The following IL10RA variants were observed in gnomAD, a reference collection of about 807,000 sequenced individuals.
The protein encoded by IL10RA is interleukin 10 receptor subunit alpha, also known as interleukin-10 receptor subunit alpha.
IL10RA carries 18 observed loss-of-function variants against 29.6 expected under a neutral mutation model. The observed-to-expected ratio is 0.61, with a 90% confidence interval of 0.42 to 0.90. The LOEUF is 0.90. Among genes scored for constraint, IL10RA ranks in the 40% least tolerant of loss-of-function variants. IL10RA has a pLI of 0.00. For missense variants in IL10RA, 634 were observed against 716.6 expected (o/e 0.88, Z 1.32); for synonymous variants, 292 against 294.1 (o/e 0.99, Z 0.07).
At chr11:117,995,848 T>G (rs539959748) in intron 6 of IL10RA, 138 bp downstream of exon 6, 6 of 916,980 alleles carry the variant, frequency 6.5e-6, no homozygotes, top group East Asian at 5.3e-5. Flanking sequence ...GATTGGGAGA[T>G]ACCTTCATCA....
At chr11:117,996,873 G>A (rs574197775) in intron 6 of IL10RA, among the ~76,000 whole-genome samples, 10 of 152,310 alleles carry the variant, frequency 6.6e-5, no homozygotes, top group Admixed American at 2.0e-4. Flanking sequence ...ATGAGCCACC[G>A]CACCCTGCCC....
In IL10RA at chr11:117,999,027, C is replaced by G; in HGVS notation, c.1123C>G (p.Gln375Glu). 4.3e-6 allele frequency: 7 copies of G among 1,613,382 alleles called. No individual in the cohort carries two copies. Among genetic ancestry groups the G allele is most frequent in the Non-Finnish European group, 5.9e-6 (7 of 1,179,440 alleles). Reference protein sequence around the residue: ...SNSTDSGICLQEPSLSPSTGP... With the variant: ...SNSTDSGICLEEPSLSPSTGP... ...TAGCACAGACAGCGGGATCTGCCTGCAGGAGCCCAGCCTGAGCCCCAGCAC... is the reference window on the plus strand; with the variant it reads ...TAGCACAGACAGCGGGATCTGCCTGGAGGAGCCCAGCCTGAGCCCCAGCAC... Residue 375 changes from glutamine to glutamate, a missense_variant, in exon 7 of 7, where the codon CAG becomes GAG. Coordinates refer to ENST00000227752, the MANE Select transcript of IL10RA (RefSeq NM_001558.4).
Position 117,989,326 on chromosome 11 carries a change from G to T in IL10RA, c.189-116G>T, listed in dbSNP as rs928847621. ...CGTGGACTAGAGGATATAGCCTGAG[G>T]GCTGTCCCAGTTTCTCCCAATGTGG... On this transcript the variant is annotated intron_variant, in intron 2 of 6. Transcript: ENST00000227752. The surrounding 1 kb of genome is among the most constrained non-coding windows in gnomAD (Gnocchi z 4.5). The T allele has an allele frequency of 4.2e-5, 39 of 930,162 alleles. No individual in the cohort carries two copies. The highest frequency in any genetic ancestry group is 5.1e-4 in the Middle Eastern group (2 of 3,914). 57.6% of individuals were successfully genotyped at this position (930,162 alleles called of 1,614,324 possible).
In IL10RA at chr11:117,999,361, G is replaced by A. The variant is rs749348898; in HGVS notation, c.1457G>A (p.Gly486Asp). The stretch of plus-strand genomic sequence containing the variant: ...GGGAGATGCCTGGTTGATGAGGCAG[G>A]CTTGCATCCACCAGCCCTGGCCAAG... ...KFGRCLVDEA[G>D]LHPPALAKGY... The change falls in exon 7 of 7, where the codon GGC (glycine) becomes GAC (aspartate). Residue 486 changes from glycine to aspartate, a missense_variant. By Grantham distance (94) the Gly-to-Asp change is moderately conservative. Transcript: ENST00000227752. The A allele has an allele frequency of 2.5e-6, 4 of 1,614,108 alleles. No homozygotes were observed. The African/African-American group carries it at 5.3e-5, about 22-fold the overall frequency.
chr11:117,996,269 C>G (rs4252278), intron 6 of IL10RA, among the ~76,000 whole-genome samples: 4,125 of 151,766 alleles, frequency 0.027, 191 homozygotes, highest in African/African-American at 0.095. Context: ...GGGGATGCTG[C>G]GCCACTGGAG....
Position 118,000,206 on chromosome 11 carries a change from A to G in IL10RA, c.*565A>G, listed in dbSNP as rs1370997678. 2.2e-6 allele frequency: 1 copy of G among 453,996 alleles called. No homozygotes were observed. The highest frequency in any genetic ancestry group is 4.4e-6 in the Non-Finnish European group (1 of 226,794). 28.1% of individuals were successfully genotyped at this position (453,996 alleles called of 1,614,324 possible). Reference sequence around the variant, plus strand: ...TCTGGGGCAGGAAGCTTGTCACTGGAAGATCTTAAGGTATATATTTTCTGG... The same window carrying G: ...TCTGGGGCAGGAAGCTTGTCACTGGGAGATCTTAAGGTATATATTTTCTGG... On this transcript the variant is annotated 3_prime_UTR_variant, in exon 7 of 7. Transcript: ENST00000227752.
intron 3 of IL10RA, among the ~76,000 whole-genome samples, chr11:117,991,922 A>C (rs1244572919): frequency 1.3e-5 from 2 of 152,006 alleles, no homozygotes; most frequent in African/African-American, 4.8e-5. Flanking sequence ...TTTAATAGAG[A>C]TGGGGTTTCA....
Position 118,001,129 on chromosome 11 carries a change from C to T in IL10RA, c.*1488C>T, listed in dbSNP as rs752215054. 2.4e-5 allele frequency: 11 copies of T among 454,146 alleles called. No individual in the cohort carries two copies. Among genetic ancestry groups the T allele is most frequent in the South Asian group, 1.2e-4 (8 of 64,484 alleles). 28.1% of individuals were successfully genotyped at this position (454,146 alleles called of 1,614,324 possible). On this transcript the variant is annotated 3_prime_UTR_variant, in exon 7 of 7. Transcript: ENST00000227752. ...GGTGCCAGTCTGGTAACTGAACTCC[C>T]TCTGGAGGCAGGCTTGAGGGAGGAT...
chr11:118,000,026 A>G lies in IL10RA; in HGVS notation c.*385A>G. 4.3e-6 allele frequency: 2 copies of G among 467,834 alleles called. No individual in the cohort carries two copies. Among genetic ancestry groups the G allele is most frequent in the South Asian group, 3.1e-5 (2 of 64,582 alleles). 29.0% of individuals were successfully genotyped at this position (467,834 alleles called of 1,614,324 possible). ...GGCCACCAGGCTGAAGTCAGCTCAG[A>G]CCCAGACCTCCCTGCTTAGGCCACT... On this transcript the variant is annotated 3_prime_UTR_variant, in exon 7 of 7. Coordinates refer to ENST00000227752, the MANE Select transcript of IL10RA (RefSeq NM_001558.4).
At chr11:117,994,714 AGAG>A (rs1330250136) in intron 5 of IL10RA, among the ~76,000 whole-genome samples, 1 of 152,178 alleles carries the variant, frequency 6.6e-6, no homozygotes, top group Non-Finnish European at 1.5e-5. Flanking sequence ...GAGTGTGCAC[AGAG>A]GAGACTGTAA....
chr11:117,995,472 C>G, intron 5 of IL10RA, 117 bp from the exon 6 acceptor site: 3 of 1,356,504 alleles, frequency 2.2e-6, no homozygotes, highest in Non-Finnish European at 3.2e-6. Flanking sequence ...TTGCCTTGGG[C>G]CACTCACTGA....
At position 117,999,070 on chromosome 11, in the gene IL10RA, A is replaced by T. The variant is rs772645232; in HGVS notation, c.1166A>T (p.Gln389Leu). 5 of 1,611,506 alleles carry T rather than the reference A, an allele frequency of 3.1e-6. No homozygotes were observed. Among genetic ancestry groups the T allele is most frequent in the Non-Finnish European group, 4.2e-6 (5 of 1,177,940 alleles). Residue 389 changes from glutamine to leucine, a missense_variant, in exon 7 of 7, where the codon CAA becomes CTA. Physicochemically the swap from Gln to Leu is moderately radical, Grantham distance 113. Coordinates refer to ENST00000227752, the MANE Select transcript of IL10RA (RefSeq NM_001558.4). ...CCCAGCACAGGGCCCACCTGGGAGC[A>T]ACAGGTGGGGAGCAACAGCAGGGGC... The part of the protein sequence containing the change: ...LSPSTGPTWE[Q>L]QVGSNSRGQD...
At chr11:117,991,838 G>C (rs1411240750) in intron 3 of IL10RA, among the ~76,000 whole-genome samples, 1 of 152,144 alleles carries the variant, frequency 6.6e-6, no homozygotes, top group African/African-American at 2.4e-5. Context: ...GAGTTCAAGA[G>C]ATTCTCTTGC....
At chr11:118,001,531 A>G (rs953429613), downstream of IL10RA, 40 of 375,822 alleles carry the variant, frequency 1.1e-4, no homozygotes, top group African/African-American at 7.8e-4. Flanking sequence ...CTCATGGAGG[A>G]CTCGGTTGTT....
At position 118,000,374 on chromosome 11, in the gene IL10RA, G is replaced by C. The variant is rs922986848; in HGVS notation, c.*733G>C. 1.3e-5 allele frequency: 6 copies of C among 454,180 alleles called. No individual in the cohort carries two copies. The highest frequency in any genetic ancestry group is 2.6e-5 in the Non-Finnish European group (6 of 226,768). The allele number at this position is 454,180 out of a possible 1,614,324, so 28.1% of individuals were successfully genotyped here. On this transcript the variant is annotated 3_prime_UTR_variant, in exon 7 of 7. Coordinates refer to ENST00000227752, the MANE Select transcript of IL10RA (RefSeq NM_001558.4). The stretch of plus-strand genomic sequence containing the variant: ...AATATCTCCCTCTCTCCAACAAATG[G>C]AGTAGCATCCCCCTGGGGCACTTGC...
intron 6 of IL10RA, among the ~76,000 whole-genome samples, chr11:117,996,716 G>A (rs895032928): frequency 1.3e-5 from 2 of 152,208 alleles, no homozygotes; most frequent in African/African-American, 2.4e-5. Flanking sequence ...TTAGCCTCCC[G>A]AGTAGCTGGG....
rs1447031123 is a variant in IL10RA, at chr11:118,000,859, C to T, written c.*1218C>T. 1 of 454,246 alleles carries T rather than the reference C, an allele frequency of 2.2e-6. No individual in the cohort carries two copies. The highest frequency in any genetic ancestry group is 4.4e-6 in the Non-Finnish European group (1 of 226,792). The allele number at this position is 454,246 out of a possible 1,614,324, so 28.1% of individuals were successfully genotyped here. ...TCCAATGGGAGTCCATGGTGTCATG[C>T]CAAGACAGTATCAGACACAGCCCCA... On this transcript the variant is annotated 3_prime_UTR_variant, in exon 7 of 7. Coordinates refer to ENST00000227752, the MANE Select transcript of IL10RA (RefSeq NM_001558.4).
At chr11:118,003,017 G>A (rs924838712), downstream of IL10RA, 2 of 152,202 alleles carry the variant, frequency 1.3e-5, no homozygotes, top group African/African-American at 4.8e-5. Flanking sequence ...TCAATAAACT[G>A]TGTTTTCCCA....
intron 6 of IL10RA, among the ~76,000 whole-genome samples, chr11:117,998,108 C>T (rs1405399425): frequency 6.6e-6 from 1 of 152,168 alleles, no homozygotes; most frequent in African/African-American, 2.4e-5. Context: ...GCCACTGCCC[C>T]ACGCTGCAGC....
Sources: allele counts gnomAD v4.1 joint callset (sites outside exome capture counted in the v4.1 genomes callset), GRCh38; gene constraint gnomAD v4.1.1; non-coding constraint Gnocchi (gnomAD v3.1); transcripts MANE v1.5; gene names NCBI Gene and HGNC (gene_info 2026-07-23, HGNC 2026-07-21).